Variants in THRB observed in about 807,000 individuals in gnomAD.
THRB encodes the protein nuclear receptor subfamily 1 group A member 2.
In THRB, 12 loss-of-function variants were observed where a neutral mutation model predicts 47.8. The observed-to-expected ratio is 0.25, with a 90% CI of 0.16 to 0.41. The LOEUF (loss-of-function observed/expected upper bound fraction) is 0.41. Among genes scored for constraint, THRB ranks in the 10% least tolerant of loss-of-function variants. THRB has a pLI of 1.00. For synonymous variants in THRB, 218 were observed against 212.2 expected, an observed-to-expected ratio of 1.03 and a Z score of -0.24; for missense variants, 348 against 589.2, an observed-to-expected ratio of 0.59 and a Z score of 4.24.
chr3:24,123,741 T>C (rs1469531709), intron 10 of THRB, among the ~76,000 whole-genome samples: 1 of 152,088 alleles, frequency 6.6e-6, no homozygotes, highest in Admixed American at 6.5e-5. Context: ...GATTTTGGAA[T>C]TGAAATGAAA....
At chr3:24,175,966 G>T (rs958823091) in intron 5 of THRB, among the ~76,000 whole-genome samples, 4 of 152,068 alleles carry the variant, frequency 2.6e-5, no homozygotes, top group African/African-American at 9.7e-5. Flanking sequence ...CCACTTCCAC[G>T]CTATGCTTTT....
chr3:24,491,093 A>C (rs375786222), intron 1 of THRB, among the ~76,000 whole-genome samples: 1 of 152,214 alleles, frequency 6.6e-6, no homozygotes, highest in Non-Finnish European at 1.5e-5. Context: ...AGTTTAATGC[A>C]TGCCACCTCC....
chr3:24,383,693 T>A (rs1320021759), intron 1 of THRB, among the ~76,000 whole-genome samples: 1 of 152,170 alleles, frequency 6.6e-6, no homozygotes. Flanking sequence ...ATTTCAAGTA[T>A]AAATAGATCT....
At chr3:24,327,127 G>C (rs967783487) in intron 2 of THRB, among the ~76,000 whole-genome samples, 1 of 152,112 alleles carries the variant, frequency 6.6e-6, no homozygotes, top group Non-Finnish European at 1.5e-5. Context: ...CATAAAATAA[G>C]TCAGCATAAC....
intron 4 of THRB, among the ~76,000 whole-genome samples, chr3:24,202,372 A>G (rs1247380434): frequency 6.6e-6 from 1 of 152,162 alleles, no homozygotes; most frequent in Non-Finnish European, 1.5e-5. Context: ...AAATACTAAG[A>G]GCTGTTTTTG....
At chr3:24,431,267 C>CT (rs879865997) in intron 1 of THRB, among the ~76,000 whole-genome samples, 1,763 of 89,600 alleles carry the variant, frequency 0.02, 12 homozygotes, top group African/African-American at 0.029. Flanking sequence ...TCTCTACACA[C>CT]ACACACACAC....
At chr3:24,143,768 C>T in intron 7 of THRB, 62 bp from the exon 8 acceptor site, 4 of 1,569,938 alleles carry the variant, frequency 2.5e-6, no homozygotes, top group Admixed American at 1.7e-5. Context: ...CAGCAAGCTG[C>T]ACTTCCTGGA....
Position 24,423,719 on chromosome 3 carries a change from C to T in THRB, c.-261+70933G>A, listed in dbSNP as rs751168571. On this transcript the variant is annotated intron_variant, in intron 1 of 10. Transcript: ENST00000646209. ...TGTCTGTGTACTATATCTGGTGTAACATGATTATGGGTAATTATGTTAATC... is the reference window on the plus strand; with the variant it reads ...TGTCTGTGTACTATATCTGGTGTAATATGATTATGGGTAATTATGTTAATC... Among the ~76,000 whole-genome samples, 110 of 151,918 alleles carry T rather than the reference C, an allele frequency of 7.2e-4. 3 individuals are homozygous for T. The highest frequency in any genetic ancestry group is 6.8e-3 in the Middle Eastern group (2 of 294).
At chr3:24,449,903 A>C (rs1384400735) in intron 1 of THRB, among the ~76,000 whole-genome samples, 1 of 152,208 alleles carries the variant, frequency 6.6e-6, no homozygotes, top group East Asian at 1.9e-4. Flanking sequence ...TTGATTTATA[A>C]GCAATAATCA....
chr3:24,407,390 C>T (rs1047945044), intron 1 of THRB, among the ~76,000 whole-genome samples: 9 of 151,632 alleles, frequency 5.9e-5, no homozygotes, highest in Non-Finnish European at 7.4e-5. Context: ...TTTTCATGCG[C>T]GATTCATTCC....
chr3:24,229,305 A>G lies in THRB; in HGVS notation c.-42-304T>C, dbSNP rs1466122. 0.53 allele frequency among the ~76,000 whole-genome samples: 80,777 copies of G among 151,986 alleles called. 22,106 individuals carry two copies. The highest frequency in any genetic ancestry group is 0.68 in the East Asian group (3,506 of 5,174). On this transcript the variant is annotated intron_variant, in intron 3 of 10. Coordinates refer to ENST00000646209, the MANE Select transcript of THRB (RefSeq NM_001354712.2). ...AGCTCACAGATTTGCTGTTTATCCCAAGAGTGGCTAAGATGTATTAGCATC... is the reference window on the plus strand; with the variant it reads ...AGCTCACAGATTTGCTGTTTATCCCGAGAGTGGCTAAGATGTATTAGCATC...
intron 3 of THRB, among the ~76,000 whole-genome samples, chr3:24,287,983 A>G (rs1240183538): frequency 1.3e-5 from 2 of 152,258 alleles, no homozygotes; most frequent in East Asian, 3.8e-4. Context: ...TCCACATTAT[A>G]GCTTCACAAA....
chr3:24,432,497 C>A (rs563689162), intron 1 of THRB, among the ~76,000 whole-genome samples: 8 of 152,158 alleles, frequency 5.3e-5, no homozygotes, highest in African/African-American at 1.4e-4. Flanking sequence ...GCTATATCTG[C>A]AATAGCATGT....
chr3:24,494,105 A>G, intron 1 of THRB: 1 of 152,986 alleles, frequency 6.5e-6, no homozygotes, highest in Non-Finnish European at 1.5e-5. Context: ...GGCACCGGCC[A>G]CGGCGCACGC....
chr3:24,401,548 C>T (rs2067400174), intron 1 of THRB, among the ~76,000 whole-genome samples: 1 of 152,038 alleles, frequency 6.6e-6, no homozygotes, highest in South Asian at 2.1e-4. Context: ...CTACTACTAG[C>T]AATGCTGTTA....
chr3:24,365,596 A>G (rs1401474654), intron 1 of THRB, among the ~76,000 whole-genome samples: 1 of 152,200 alleles, frequency 6.6e-6, no homozygotes, highest in Non-Finnish European at 1.5e-5. Context: ...AAGAAATATG[A>G]TAACTGCAAA....
At chr3:24,417,466 G>C (rs541048071) in intron 1 of THRB, among the ~76,000 whole-genome samples, 1 of 151,870 alleles carries the variant, frequency 6.6e-6, no homozygotes, top group African/African-American at 2.4e-5. Context: ...ATGTCACTAG[G>C]GATTTAGTTA....
At chr3:24,298,275 A>G (rs2056615351) in intron 2 of THRB, among the ~76,000 whole-genome samples, 1 of 152,230 alleles carries the variant, frequency 6.6e-6, no homozygotes, top group South Asian at 2.1e-4. Flanking sequence ...TGGCACCCAG[A>G]TCAAAAATCT....
intron 9 of THRB, among the ~76,000 whole-genome samples, chr3:24,130,453 G>C (rs1235259775): frequency 1.3e-5 from 2 of 152,180 alleles, no homozygotes; most frequent in Non-Finnish European, 2.9e-5. Flanking sequence ...CATCTCAGGG[G>C]CTGGGGGGGC....
Sources: allele counts gnomAD v4.1 joint callset (sites outside exome capture counted in the v4.1 genomes callset), GRCh38; gene constraint gnomAD v4.1.1; transcripts MANE v1.5; gene names NCBI Gene and HGNC (gene_info 2026-07-23, HGNC 2026-07-21).